Variants in ADAM2 observed in about 807,000 individuals in gnomAD.
ADAM2 encodes ADAM metallopeptidase domain 2, also known as disintegrin and metalloproteinase domain-containing protein 2.
ADAM2 carries 101 observed loss-of-function variants against 99.3 expected under a neutral mutation model. That is an observed-to-expected ratio of 1.02 (90% CI 0.87 to 1.20). ADAM2 has a LOEUF of 1.20. Ranked by LOEUF, ADAM2 falls within the 50% of genes most tolerant of loss-of-function variation. The probability of loss-of-function intolerance (pLI) is 0.00; values close to 1 mark genes in which losing one functional copy is unlikely to be tolerated. For missense variants in ADAM2, 948 were observed against 878.7 expected, an observed-to-expected ratio of 1.08 and a Z score of -1.00; for synonymous variants, 323 against 287.6, an observed-to-expected ratio of 1.12 and a Z score of -1.25.
At chr8:39,780,694 T>C (rs916267437) in intron 10 of ADAM2, among the ~76,000 whole-genome samples, 9 of 152,346 alleles carry the variant, frequency 5.9e-5, no homozygotes, top group African/African-American at 2.2e-4. Flanking sequence ...AGGATCATTA[T>C]ATAATGCTAC....
Position 39,787,979 on chromosome 8 carries a change from G to GA in ADAM2, c.809+105dup, listed in dbSNP as rs903582907. ...AAAAATATTTACATGGCGTGTGTGA[G>GA]AAAAAAATAGATTTTTTTAATACAC... On this transcript the variant is annotated intron_variant, in intron 9 of 20. Coordinates refer to ENST00000265708, the MANE Select transcript of ADAM2 (RefSeq NM_001464.5). The GA allele has an allele frequency of 7.0e-5, 50 of 717,824 alleles. No individual in the cohort carries two copies. The African/African-American group carries it at 8.0e-4, about 11-fold the overall frequency. 44.5% of individuals were successfully genotyped at this position (717,824 alleles called of 1,614,324 possible).
chr8:39,766,999 G>A lies in ADAM2; in HGVS notation c.1356C>T (p.Cys452=), dbSNP rs760989103. ...ERMCRPSFEE[C]DLPEYCNGSS... ...ATCCATTGCAATATTCAGGGAGGTC[G>A]CATTCTTCAAAGGAAGGCCTACACA... The change falls in exon 14 of 21, where the codon TGC becomes TGT. Residue 452 remains cysteine (C), a synonymous_variant. Coordinates refer to ENST00000265708, the MANE Select transcript of ADAM2 (RefSeq NM_001464.5). 5.0e-6 allele frequency: 8 copies of A among 1,614,026 alleles called. No homozygotes were observed. Among genetic ancestry groups the A allele is most frequent in the South Asian group, 4.4e-5 (4 of 91,066 alleles).
chr8:39,788,640 T>C (rs933512253), intron 8 of ADAM2, 29 bp downstream of exon 8: 4 of 1,500,842 alleles, frequency 2.7e-6, no homozygotes, highest in African/African-American at 1.4e-5. Flanking sequence ...ACACAAGAAG[T>C]GCAAAAGTAC....
At chr8:39,811,409 C>T (rs1804690130) in intron 6 of ADAM2, among the ~76,000 whole-genome samples, 1 of 152,170 alleles carries the variant, frequency 6.6e-6, no homozygotes, top group South Asian at 2.1e-4. Flanking sequence ...AAGAGGGAAT[C>T]CTCCCTAACT....
chr8:39,755,619 A>G (rs1802117772), intron 16 of ADAM2, 109 bp downstream of exon 16: 1 of 755,700 alleles, frequency 1.3e-6, no homozygotes, highest in Non-Finnish European at 2.1e-6. Flanking sequence ...GGTTGCAGTG[A>G]GCAGAGATCA....
intron 11 of ADAM2, among the ~76,000 whole-genome samples, chr8:39,770,276 T>C (rs985110240): frequency 7.4e-4 from 113 of 152,294 alleles, no homozygotes; most frequent in Non-Finnish European, 8.8e-5. Flanking sequence ...GAAATCTATA[T>C]TTATTCATAG....
chr8:39,810,440 G>A (rs1178153655), intron 6 of ADAM2, among the ~76,000 whole-genome samples: 2 of 152,164 alleles, frequency 1.3e-5, no homozygotes, highest in Non-Finnish European at 1.5e-5. Context: ...GGACCTAATA[G>A]ACATCTACAG....
chr8:39,813,568 C>A (rs573283383), intron 6 of ADAM2, among the ~76,000 whole-genome samples: 5 of 152,188 alleles, frequency 3.3e-5, no homozygotes, highest in African/African-American at 1.2e-4. Flanking sequence ...GGCACATACA[C>A]ACCATGGAAT....
chr8:39,804,630 A>T (rs1212811826), intron 7 of ADAM2, among the ~76,000 whole-genome samples: 1 of 152,198 alleles, frequency 6.6e-6, no homozygotes, highest in African/African-American at 2.4e-5. Flanking sequence ...AAATCAGGGA[A>T]TTAAAAAGTA....
intron 7 of ADAM2, among the ~76,000 whole-genome samples, chr8:39,797,067 T>C (rs531410065): frequency 1.3e-5 from 2 of 152,326 alleles, no homozygotes; most frequent in South Asian, 4.1e-4. Context: ...ATCCTATTTG[T>C]CAATTCTGGC....
chr8:39,823,986 A>G (rs1563381766), intron 4 of ADAM2, among the ~76,000 whole-genome samples: 1 of 152,140 alleles, frequency 6.6e-6, no homozygotes, highest in Non-Finnish European at 1.5e-5. Context: ...CTGAGGTTAA[A>G]AAACAAAAGA....
intron 9 of ADAM2, among the ~76,000 whole-genome samples, chr8:39,787,618 G>C (rs1371475502): frequency 6.6e-6 from 1 of 150,936 alleles, no homozygotes; most frequent in Non-Finnish European, 1.5e-5. Flanking sequence ...AAGAAAAACA[G>C]AGTCTATTAA....
chr8:39,756,557 C>T (rs1192442968), intron 15 of ADAM2, among the ~76,000 whole-genome samples: 1 of 152,132 alleles, frequency 6.6e-6, no homozygotes, highest in Non-Finnish European at 1.5e-5. Context: ...GAGACTAACC[C>T]TAGATCAACT....
chr8:39,759,219 A>G (rs1802261830), intron 15 of ADAM2, among the ~76,000 whole-genome samples: 1 of 152,178 alleles, frequency 6.6e-6, no homozygotes, highest in Non-Finnish European at 1.5e-5. Context: ...CCTTTAAAAA[A>G]ATCCAGGGTA....
rs551074347 is a variant in ADAM2, at chr8:39,790,781, G to A, written c.571-2041C>T. 1.6e-4 allele frequency among the ~76,000 whole-genome samples: 24 copies of A among 152,050 alleles called. 1 individual carries two copies. The South Asian group carries it at 3.5e-3, about 22-fold the overall frequency. On this transcript the variant is annotated intron_variant, in intron 7 of 20. Transcript: ENST00000265708. ...TCTTCTCCTCTTTTCAAGGAGATCA[G>A]TGGTACATCTCTCCACTATAAGCAG... is the stretch of plus-strand genomic sequence containing the variant.
chr8:39,818,903 T>A (rs1805060829), intron 6 of ADAM2, among the ~76,000 whole-genome samples: 1 of 152,024 alleles, frequency 6.6e-6, no homozygotes, highest in South Asian at 2.1e-4. Context: ...AAAGAATATC[T>A]AAAAACTAAA....
Position 39,797,086 on chromosome 8 carries a change from C to T in ADAM2, c.571-8346G>A, listed in dbSNP as rs186191795. Among the ~76,000 whole-genome samples, 8 of 152,220 alleles carry T rather than the reference C, an allele frequency of 5.3e-5. No homozygotes were observed. The East Asian group carries it at 5.8e-4, about 11-fold the overall frequency. On this transcript the variant is annotated intron_variant, in intron 7 of 20. Coordinates refer to ENST00000265708, the MANE Select transcript of ADAM2 (RefSeq NM_001464.5). ...TATTTGTCAATTCTGGCTTTTGTTGCAATTGCTTTTGGTATTTTTGTCAAG... is the reference window on the plus strand; with the variant it reads ...TATTTGTCAATTCTGGCTTTTGTTGTAATTGCTTTTGGTATTTTTGTCAAG...
chr8:39,762,876 A>G (rs1802423827), intron 14 of ADAM2, among the ~76,000 whole-genome samples: 1 of 152,250 alleles, frequency 6.6e-6, no homozygotes, highest in African/African-American at 2.4e-5. Context: ...ATATCTATCT[A>G]TCTACAGAGA....
At chr8:39,782,478 A>G (rs577475898) in intron 10 of ADAM2, among the ~76,000 whole-genome samples, 2 of 152,202 alleles carry the variant, frequency 1.3e-5, no homozygotes, top group East Asian at 1.9e-4. Context: ...AGCATTAAAT[A>G]TTTTGGAGCC....
Sources: gnomAD v4.1 joint callset for allele counts (sites outside exome capture counted in the v4.1 genomes callset) on GRCh38, gnomAD v4.1.1 for gene constraint, MANE v1.5 for transcripts, NCBI Gene and HGNC (gene_info 2026-07-23, HGNC 2026-07-21) for gene names.